The following MLLT3 variants were observed in gnomAD, a reference collection of about 807,000 sequenced individuals.
MLLT3 encodes MLLT3 super elongation complex subunit, also known as protein AF-9.
In MLLT3, 4 loss-of-function variants were observed where a neutral mutation model predicts 53.2. The observed-to-expected ratio is 0.08, with a 90% CI of 0.04 to 0.17. The LOEUF (loss-of-function observed/expected upper bound fraction) is 0.17. Among genes scored for constraint, MLLT3 ranks in the 10% least tolerant of loss-of-function variants. The pLI is 1.00. For missense variants in MLLT3, 569 were observed against 684.0 expected (o/e 0.83, Z 1.87); for synonymous variants, 283 against 230.6 (o/e 1.23, Z -2.06).
At chr9:20,412,552 C>T (rs965940215) in intron 5 of MLLT3, among the ~76,000 whole-genome samples, 4 of 152,260 alleles carry the variant, frequency 2.6e-5, no homozygotes, top group Middle Eastern at 3.4e-3. Context: ...AGTACAAACC[C>T]GGCACAGCAA....
chr9:20,466,683 G>A (rs1824245984), intron 2 of MLLT3, among the ~76,000 whole-genome samples: 1 of 152,156 alleles, frequency 6.6e-6, no homozygotes, highest in Non-Finnish European at 1.5e-5. Flanking sequence ...ATCAAATGTG[G>A]TACTAATTGC....
intron 2 of MLLT3, among the ~76,000 whole-genome samples, chr9:20,497,186 G>C (rs1825099116): frequency 6.6e-6 from 1 of 152,176 alleles, no homozygotes; most frequent in African/African-American, 2.4e-5. Context: ...ATATTCAGTT[G>C]ACAGACAGTA....
chr9:20,374,043 G>A (rs1821688173), intron 5 of MLLT3, among the ~76,000 whole-genome samples: 1 of 150,280 alleles, frequency 6.7e-6, no homozygotes, highest in Admixed American at 6.6e-5. Context: ...CTCCTCTGTA[G>A]GAAACTGAAA....
chr9:20,360,536 T>C (rs1358002812), intron 8 of MLLT3, among the ~76,000 whole-genome samples: 3 of 152,254 alleles, frequency 2.0e-5, no homozygotes, highest in Non-Finnish European at 4.4e-5. Flanking sequence ...TTAACCCATC[T>C]GGTGGAACAT....
At chr9:20,378,585 C>T (rs1006042466) in intron 5 of MLLT3, among the ~76,000 whole-genome samples, 1 of 151,928 alleles carries the variant, frequency 6.6e-6, no homozygotes, top group African/African-American at 2.4e-5. Flanking sequence ...TACATAATCC[C>T]CCTAGAAGTT....
At chr9:20,413,581 G>A (rs1415429999) in intron 5 of MLLT3, 140 bp downstream of exon 5, 21 of 624,216 alleles carry the variant, frequency 3.4e-5, no homozygotes, top group Non-Finnish European at 5.5e-5. Context: ...TTAAGGAAAT[G>A]CATTTCTAGG....
chr9:20,362,456 T>A (rs374687935), intron 7 of MLLT3, among the ~76,000 whole-genome samples: 1 of 152,206 alleles, frequency 6.6e-6, no homozygotes, highest in African/African-American at 2.4e-5. Flanking sequence ...GTTTCCTTTT[T>A]ATCAGACAAA....
At chr9:20,560,509 T>C (rs1050273851) in intron 2 of MLLT3, among the ~76,000 whole-genome samples, 4 of 152,180 alleles carry the variant, frequency 2.6e-5, no homozygotes, top group Non-Finnish European at 5.9e-5. Flanking sequence ...TCCTGCTCTT[T>C]GGAGCTAGAT....
chr9:20,497,158 C>T lies in MLLT3; in HGVS notation c.194-40372G>A, dbSNP rs530272407. Among the ~76,000 whole-genome samples, 60 of 152,268 alleles carry T rather than the reference C, an allele frequency of 3.9e-4. 1 individual carries two copies. The highest frequency in any genetic ancestry group is 4.7e-4 in the Non-Finnish European group (32 of 68,020). On this transcript the variant is annotated intron_variant, in intron 2 of 10. Transcript: ENST00000380338. The stretch of plus-strand genomic sequence containing the variant: ...TGTAGTATCCAGTAGTAAATGGCAA[C>T]GCAAACTTCACCTTCTGATATTCAG...
At chr9:20,431,604 C>T (rs879426669) in intron 4 of MLLT3, among the ~76,000 whole-genome samples, 1 of 152,090 alleles carries the variant, frequency 6.6e-6, no homozygotes, top group South Asian at 2.1e-4. Flanking sequence ...TTATGGAAAA[C>T]CGGTTTCTTA....
intron 2 of MLLT3, among the ~76,000 whole-genome samples, chr9:20,537,068 A>G (rs1818507897): frequency 6.6e-6 from 1 of 152,240 alleles, no homozygotes; most frequent in South Asian, 2.1e-4. Flanking sequence ...ATAGATGGGA[A>G]GTCCCAAAGT....
intron 4 of MLLT3, among the ~76,000 whole-genome samples, chr9:20,447,546 C>A (rs1823735948): frequency 6.6e-6 from 1 of 152,148 alleles, no homozygotes; most frequent in African/African-American, 2.4e-5. Context: ...ACTTAAAATT[C>A]TTTCCCATAC....
intron 5 of MLLT3, among the ~76,000 whole-genome samples, chr9:20,400,047 A>T (rs951883665): frequency 1.6e-4 from 19 of 117,082 alleles, no homozygotes; most frequent in African/African-American, 1.1e-3. Context: ...AACATCATTA[A>T]AAAAAAAGAG....
At chr9:20,364,731 A>G (rs1218979490) in intron 6 of MLLT3, among the ~76,000 whole-genome samples, 1 of 152,186 alleles carries the variant, frequency 6.6e-6, no homozygotes, top group Non-Finnish European at 1.5e-5. Flanking sequence ...CAACAATTTA[A>G]TCCTTTTCAA....
rs1235891782 is a variant in MLLT3 at position 20,344,362 on chromosome 9, T to C, written c.*2081A>G. On this transcript the variant is annotated 3_prime_UTR_variant, in exon 11 of 11. Coordinates refer to ENST00000380338, the MANE Select transcript of MLLT3 (RefSeq NM_004529.4). The stretch of plus-strand genomic sequence containing the variant: ...ATAAACTTCTGGCTTGATCAGAATA[T>C]GTGTTAGCAGTTAGAAATTTTAAAA... The C allele has an allele frequency of 1.5e-5, 3 of 204,820 alleles. No individual in the cohort carries two copies. The highest frequency in any genetic ancestry group is 6.0e-5 in the Admixed American group (1 of 16,806). The allele number at this position is 204,820 out of a possible 1,614,324, so 12.7% of individuals were successfully genotyped here. A position where few individuals can be genotyped will look rare whatever the true frequency, so the allele number is the denominator to read the frequency against.
intron 5 of MLLT3, among the ~76,000 whole-genome samples, chr9:20,371,379 G>C (rs1309964949): frequency 1.3e-5 from 2 of 152,216 alleles, no homozygotes; most frequent in Admixed American, 6.5e-5. Context: ...CATAGCTAGA[G>C]AGAAGTCAAG....
chr9:20,493,605 C>T (rs898081491), intron 2 of MLLT3, among the ~76,000 whole-genome samples: 1 of 151,840 alleles, frequency 6.6e-6, no homozygotes, highest in Non-Finnish European at 1.5e-5. Context: ...ATAAAGAATC[C>T]ACTTAAATAT....
chr9:20,408,914 G>A (rs1407909283), intron 5 of MLLT3, among the ~76,000 whole-genome samples: 1 of 151,988 alleles, frequency 6.6e-6, no homozygotes, highest in Non-Finnish European at 1.5e-5. Context: ...TTCTGGTAAG[G>A]TGATTTAAAG....
At chr9:20,455,529 T>C (rs117055030) in intron 3 of MLLT3, among the ~76,000 whole-genome samples, 2,109 of 152,322 alleles carry the variant, frequency 0.014, 13 homozygotes, top group Middle Eastern at 0.034. Context: ...TTTGAGAATC[T>C]CATTTCTAAC....
Sources: allele counts gnomAD v4.1 joint callset (sites outside exome capture counted in the v4.1 genomes callset), GRCh38; gene constraint gnomAD v4.1.1; transcripts MANE v1.5; gene names NCBI Gene and HGNC (gene_info 2026-07-23, HGNC 2026-07-21).